The following RPTOR variants were observed in gnomAD, a reference collection of about 807,000 sequenced individuals.
RPTOR encodes the protein regulatory-associated protein of mTOR.
In RPTOR, 21 loss-of-function variants were observed where a neutral mutation model predicts 169.9. The ratio of observed to expected loss-of-function variants is 0.12; its 90% CI spans 0.09 to 0.18. The LOEUF is 0.18. Among genes scored for constraint, RPTOR ranks in the 10% least tolerant of loss-of-function variants. RPTOR has a pLI of 1.00. For missense variants in RPTOR, 1,133 were observed against 1,855.9 expected, an observed-to-expected ratio of 0.61 and a Z score of 7.16; for synonymous variants, 732 against 753.2, an observed-to-expected ratio of 0.97 and a Z score of 0.46.
At chr17:80,718,115 G>A (rs2066255090) in intron 4 of RPTOR, among the ~76,000 whole-genome samples, 1 of 152,150 alleles carries the variant, frequency 6.6e-6, no homozygotes, top group South Asian at 2.1e-4. Context: ...AAGCTACAAG[G>A]CTTTTCCCTG....
chr17:80,892,664 G>A (rs987842333), intron 18 of RPTOR, 65 bp from the exon 19 acceptor site: 78 of 1,574,000 alleles, frequency 5.0e-5, no homozygotes, highest in South Asian at 2.5e-4. Flanking sequence ...GCTGCTGAGT[G>A]TCAGAAGACA....
chr17:80,579,073 CACAGGTACTCGGG>C (rs1221877298), intron 1 of RPTOR, among the ~76,000 whole-genome samples: 1 of 152,094 alleles, frequency 6.6e-6, no homozygotes, highest in Non-Finnish European at 1.5e-5. Context: ...TGGTACTCTG[CACAGGTACTCGGG>C]GTTATTATTT....
At position 80,601,555 on chromosome 17, in the gene RPTOR, C is replaced by CTTCTTTTTTTTTTTTTTTTTTTTTTTT. The variant is rs1555594158; in HGVS notation, c.163-24134_163-24133insCTTTTTTTTTTTTTTTTTTTTTTTTTT. 1.1e-4 allele frequency among the ~76,000 whole-genome samples: 2 copies of CTTCTTTTTTTTTTTTTTTTTTTTTTTT among 18,000 alleles called. 1 individual carries two copies. Among genetic ancestry groups the CTTCTTTTTTTTTTTTTTTTTTTTTTTT allele is most frequent in the African/African-American group, 7.0e-4 (2 of 2,864 alleles). The allele number at this position is 18,000 out of a possible 152,430, so 11.8% of individuals were successfully genotyped here. On this transcript the variant is annotated intron_variant, in intron 1 of 33. Transcript: ENST00000306801. ...CTGCTGTTGGTGAAGATGGTTCAGT[C>CTTCTTTTTTTTTTTTTTTTTTTTTTTT]TTTTTTTTTTTTTTTTTAAATTTAT...
chr17:80,596,433 A>G (rs1226335759), intron 1 of RPTOR, among the ~76,000 whole-genome samples: 1 of 151,576 alleles, frequency 6.6e-6, no homozygotes, highest in Non-Finnish European at 1.5e-5. Context: ...TTTTTTTTTA[A>G]ATGTTTATCT....
chr17:80,793,931 G>A (rs1214984690), intron 7 of RPTOR, among the ~76,000 whole-genome samples: 4 of 152,194 alleles, frequency 2.6e-5, no homozygotes, highest in African/African-American at 7.2e-5. Flanking sequence ...CAGGTCTCAG[G>A]ACAGCCCCAC....
chr17:80,722,061 T>A (rs1289256602), intron 4 of RPTOR, among the ~76,000 whole-genome samples: 1 of 151,098 alleles, frequency 6.6e-6, no homozygotes, highest in East Asian at 1.9e-4. Context: ...TAAAATATTT[T>A]ATTATAAAAT....
At chr17:80,948,194 C>T (rs1598418589) in intron 27 of RPTOR, among the ~76,000 whole-genome samples, 2 of 152,346 alleles carry the variant, frequency 1.3e-5, no homozygotes, top group East Asian at 3.9e-4. Flanking sequence ...GGCCGCAGCC[C>T]CTGGACACCT....
intron 21 of RPTOR, among the ~76,000 whole-genome samples, chr17:80,910,466 G>A (rs772015670): frequency 1.3e-5 from 2 of 152,204 alleles, no homozygotes; most frequent in Non-Finnish European, 2.9e-5. Flanking sequence ...TTACAGAAAT[G>A]TTGCAGGAAG....
chr17:80,777,457 T>A (rs2066902445), intron 6 of RPTOR, among the ~76,000 whole-genome samples: 1 of 152,148 alleles, frequency 6.6e-6, no homozygotes, highest in African/African-American at 2.4e-5. Context: ...CGTCCTGCTG[T>A]GTGTGAAGTG....
chr17:80,761,652 A>G (rs1439234073), intron 6 of RPTOR, among the ~76,000 whole-genome samples: 2 of 152,214 alleles, frequency 1.3e-5, no homozygotes, highest in East Asian at 3.8e-4. Flanking sequence ...CTTTAGAAAC[A>G]TAAATTCTTG....
At chr17:80,621,410 C>T (rs898677689) in intron 1 of RPTOR, among the ~76,000 whole-genome samples, 6 of 152,162 alleles carry the variant, frequency 3.9e-5, no homozygotes, top group Non-Finnish European at 5.9e-5. Flanking sequence ...AAATGACAGC[C>T]GAGGTAGCAG....
chr17:80,873,267 C>A (rs1262499562), intron 13 of RPTOR, among the ~76,000 whole-genome samples: 1 of 152,158 alleles, frequency 6.6e-6, no homozygotes, highest in East Asian at 1.9e-4. Flanking sequence ...CCACTACTCA[C>A]CGCAGACAGA....
chr17:80,600,069 G>A (rs536743319), intron 1 of RPTOR, among the ~76,000 whole-genome samples: 2 of 152,286 alleles, frequency 1.3e-5, no homozygotes, highest in African/African-American at 2.4e-5. Flanking sequence ...CCGTTCCTAA[G>A]GCTTCAGATT....
At chr17:80,798,210 C>T (rs2067119994) in intron 7 of RPTOR, among the ~76,000 whole-genome samples, 1 of 152,204 alleles carries the variant, frequency 6.6e-6, no homozygotes, top group Admixed American at 6.5e-5. Flanking sequence ...CTTCTGGAAG[C>T]AAACCCTGTA....
At chr17:80,942,593 C>G (rs915936311) in intron 25 of RPTOR, among the ~76,000 whole-genome samples, 2 of 152,052 alleles carry the variant, frequency 1.3e-5, no homozygotes, top group Non-Finnish European at 2.9e-5. Flanking sequence ...TCCTCCCAGT[C>G]CTCTGTCCTC....
chr17:80,951,043 G>A (rs979093960), intron 28 of RPTOR, among the ~76,000 whole-genome samples: 7 of 152,032 alleles, frequency 4.6e-5, no homozygotes, highest in African/African-American at 1.7e-4. Context: ...GGCTAGCCCC[G>A]GGGTCCATGA....
chr17:80,945,198 G>C (rs1045602004), intron 25 of RPTOR, among the ~76,000 whole-genome samples: 1 of 152,100 alleles, frequency 6.6e-6, no homozygotes, highest in Admixed American at 6.5e-5. Flanking sequence ...GCAGAGTTGA[G>C]GCGGGAGGAT....
chr17:80,822,691 A>G (rs1189017297), intron 8 of RPTOR, among the ~76,000 whole-genome samples: 1 of 152,180 alleles, frequency 6.6e-6, no homozygotes, highest in African/African-American at 2.4e-5. Context: ...ACATGTACGT[A>G]TATGTGCACT....
In RPTOR at chr17:80,957,948, A is replaced by C; in HGVS notation, c.3477+218A>C. ...ACTGCAACACCCAGCCCTGCGCTGC[A>C]GTATGGCTCAGGCTGCGCCAGCTCT... is the stretch of plus-strand genomic sequence containing the variant. On this transcript the variant is annotated intron_variant, in intron 29 of 33. Coordinates refer to ENST00000306801, the MANE Select transcript of RPTOR (RefSeq NM_020761.3). The surrounding 1 kb of genome is among the most constrained non-coding windows in gnomAD (Gnocchi z 4.6). 6.6e-6 allele frequency among the ~76,000 whole-genome samples: 1 copy of C among 152,368 alleles called. No individual in the cohort carries two copies. Among genetic ancestry groups the C allele is most frequent in the South Asian group, 2.1e-4 (1 of 4,832 alleles).
Sources: gnomAD v4.1 joint callset for allele counts (sites outside exome capture counted in the v4.1 genomes callset) on GRCh38, gnomAD v4.1.1 for gene constraint, Gnocchi (gnomAD v3.1) non-coding constraint, MANE v1.5 for transcripts, NCBI Gene and HGNC (gene_info 2026-07-23, HGNC 2026-07-21) for gene names.